Variants in GOLGA1 observed in about 807,000 individuals in gnomAD.
The protein encoded by GOLGA1 is golgin A1, also known as golgin subfamily A member 1.
A neutral mutation model predicts 119.7 loss-of-function variants in GOLGA1; 63 were observed. That is an observed-to-expected ratio of 0.53 (90% confidence interval 0.43 to 0.65). The LOEUF is 0.65. Ranked by LOEUF, GOLGA1 falls within the 30% of genes least tolerant of loss-of-function variation. The probability of loss-of-function intolerance (pLI) is 0.00; values close to 1 mark genes in which losing one functional copy is unlikely to be tolerated. For missense variants in GOLGA1, 798 were observed against 912.8 expected (o/e 0.87, Z 1.62); for synonymous variants, 318 against 333.4 (o/e 0.95, Z 0.50).
At chr9:124,902,404 G>A (rs1312572626) in intron 12 of GOLGA1, among the ~76,000 whole-genome samples, 3 of 151,848 alleles carry the variant, frequency 2.0e-5, no homozygotes, top group Admixed American at 6.6e-5. Context: ...GATTCACCGC[G>A]CCCAGCTGGG....
At chr9:124,914,224 G>A (rs1365316731) in intron 10 of GOLGA1, among the ~76,000 whole-genome samples, 4 of 152,298 alleles carry the variant, frequency 2.6e-5, no homozygotes, top group East Asian at 1.9e-4. Flanking sequence ...TAGGCTGGGC[G>A]TGGTGGCTCA....
chr9:124,931,465 G>T, intron 3 of GOLGA1, 59 bp from the exon 4 acceptor site: 1 of 814,076 alleles, frequency 1.2e-6, no homozygotes, highest in Non-Finnish European at 2.2e-6. Context: ...ACAATACTGA[G>T]CCAGAAAGTG....
At chr9:124,905,860 C>A (rs1026644464) in intron 12 of GOLGA1, among the ~76,000 whole-genome samples, 1 of 152,042 alleles carries the variant, frequency 6.6e-6, no homozygotes, top group African/African-American at 2.4e-5. Flanking sequence ...TGTGGTGGCT[C>A]GTGCCTGTAA....
rs1012667406 is a variant in GOLGA1, at chr9:124,881,519, G to A, written c.2137-262C>T. On this transcript the variant is annotated intron_variant, in intron 21 of 22. Transcript: ENST00000373555. The surrounding 1 kb of genome is among the most constrained non-coding windows in gnomAD (Gnocchi z 4.9). ...GGAGCGATGGGTGGATTCCGTTCCC[G>A]GCTTCCGGCCTCTGGCCTCAGCACC... Among the ~76,000 whole-genome samples the A allele has an allele frequency of 2.6e-4, 39 of 152,140 alleles. No homozygotes were observed. Among genetic ancestry groups the A allele is most frequent in the Admixed American group, 2.6e-4 (4 of 15,264 alleles).
Position 124,900,560 on chromosome 9 carries a change from C to T in GOLGA1, c.1066-13G>A, listed in dbSNP as rs1446678912. The T allele has an allele frequency of 3.8e-6, 5 of 1,320,032 alleles. No individual in the cohort carries two copies. The highest frequency in any genetic ancestry group is 5.4e-6 in the Non-Finnish European group (5 of 918,970). The allele number at this position is 1,320,032 out of a possible 1,614,324, so 81.8% of individuals were successfully genotyped here. On this transcript the variant is annotated splice_polypyrimidine_tract_variant and intron_variant, in intron 12 of 22. Coordinates refer to ENST00000373555, the MANE Select transcript of GOLGA1 (RefSeq NM_002077.4). ...CCAGTTCTCTCACCTGAGAGGGAAGCAGAAGCATTCTTTCTGTTCACAAGA... is the reference window on the plus strand; with the variant it reads ...CCAGTTCTCTCACCTGAGAGGGAAGTAGAAGCATTCTTTCTGTTCACAAGA...
chr9:124,917,559 T>C (rs906244504), intron 10 of GOLGA1, among the ~76,000 whole-genome samples: 1 of 152,160 alleles, frequency 6.6e-6, no homozygotes, highest in Non-Finnish European at 1.5e-5. Context: ...CCACCACACT[T>C]GTCAAAGCCT....
chr9:124,921,037 A>AT (rs1830559507), intron 10 of GOLGA1, 92 bp downstream of exon 10: 1 of 783,850 alleles, frequency 1.3e-6, no homozygotes, highest in African/African-American at 1.7e-5. Flanking sequence ...TGAGAAATGT[A>AT]TGTTCAGTAG....
rs1229055957 is a variant in GOLGA1 at position 124,899,450 on chromosome 9, A to G, written c.1190T>C (p.Val397Ala). 1.3e-6 allele frequency: 2 copies of G among 1,547,696 alleles called. No individual in the cohort carries two copies. The highest frequency in any genetic ancestry group is 2.7e-5 in the African/African-American group (2 of 73,294). ...LAAANQESSH[V>A]QQQALALEQQ... Reference sequence around the variant, plus strand: ...CTCCAGAGCAAGGGCCTGCTGCTGCACATGGCTGCTCTCCTGGTTGGCGGC... The same window carrying G: ...CTCCAGAGCAAGGGCCTGCTGCTGCGCATGGCTGCTCTCCTGGTTGGCGGC... The change falls in exon 14 of 23, where the codon GTG becomes GCG. Residue 397 changes from valine (V) to alanine (A), a missense_variant. Transcript: ENST00000373555.
At chr9:124,931,070 T>C (rs993152145) in intron 4 of GOLGA1, among the ~76,000 whole-genome samples, 3 of 152,222 alleles carry the variant, frequency 2.0e-5, no homozygotes, top group Non-Finnish European at 2.9e-5. Flanking sequence ...ATTATTATTA[T>C]CTTTTATTTC....
rs1829510958 is a variant in GOLGA1 at position 124,879,009 on chromosome 9, CT to C, written c.*1520del. On this transcript the variant is annotated 3_prime_UTR_variant, in exon 23 of 23. Coordinates refer to ENST00000373555, the MANE Select transcript of GOLGA1 (RefSeq NM_002077.4). ...GGAGGTTAGTCACTGGAGAAGCGGC[CT>C]CTGGAAGGCAGAGAGCCTGAGCTGG... is the stretch of plus-strand genomic sequence containing the variant. The C allele has an allele frequency of 3.3e-5, 5 of 152,222 alleles. No homozygotes were observed. The highest frequency in any genetic ancestry group is 9.7e-5 in the African/African-American group (4 of 41,450). The allele number at this position is 152,222 out of a possible 1,614,324, so 9.4% of individuals were successfully genotyped here.
rs748728381 is a variant in GOLGA1, at chr9:124,921,902, A to G, written c.562-10T>C. ...CTTCTTTTTTTAAAAGCTGACACAA[A>G]AATACAAAGTTTCATTGGGCTATGC... On this transcript the variant is annotated splice_polypyrimidine_tract_variant and intron_variant, in intron 8 of 22. Transcript: ENST00000373555. 1.9e-6 allele frequency: 3 copies of G among 1,609,518 alleles called. No individual in the cohort carries two copies. In the Admixed American group the frequency reaches 5.0e-5, roughly 27 times the overall value.
rs538869025 is a variant in GOLGA1, at chr9:124,896,987, G to A, written c.1407+1562C>T. 4.6e-5 allele frequency among the ~76,000 whole-genome samples: 7 copies of A among 151,656 alleles called. 1 individual carries two copies. Among genetic ancestry groups the A allele is most frequent in the East Asian group, 1.9e-4 (1 of 5,168 alleles). On this transcript the variant is annotated intron_variant, in intron 15 of 22. Coordinates refer to ENST00000373555, the MANE Select transcript of GOLGA1 (RefSeq NM_002077.4). The stretch of plus-strand genomic sequence containing the variant: ...TGATTCTTTTTAATGCCTGTGTCCC[G>A]CCTCACCACCAGCCATGCTCTCCCC...
In GOLGA1 at chr9:124,928,178, T is replaced by C. The variant is rs1482138132; in HGVS notation, c.399+10A>G. 2.2e-6 allele frequency: 3 copies of C among 1,380,088 alleles called. No individual in the cohort carries two copies. Among genetic ancestry groups the C allele is most frequent in the Admixed American group, 3.5e-5 (2 of 56,816 alleles). 85.5% of individuals were successfully genotyped at this position (1,380,088 alleles called of 1,614,324 possible). Reference sequence around the variant, plus strand: ...TCCACCAGTTCTGGGCAGTGCCACATATAAAATACCTGGTCCTTTCTGGCT... The same window carrying C: ...TCCACCAGTTCTGGGCAGTGCCACACATAAAATACCTGGTCCTTTCTGGCT... On this transcript the variant is annotated intron_variant, in intron 6 of 22. Transcript: ENST00000373555.
intron 10 of GOLGA1, among the ~76,000 whole-genome samples, chr9:124,916,877 CAAAAAAAA>C (rs71494043): frequency 2.4e-5 from 1 of 41,220 alleles, no homozygotes; most frequent in African/African-American, 1.1e-4. Flanking sequence ...CCCTGACACA[CAAAAAAAA>C]AAAAAAAAAA....
chr9:124,928,338 G>A, intron 5 of GOLGA1, 53 bp from the exon 6 acceptor site: 1 of 919,062 alleles, frequency 1.1e-6, no homozygotes, highest in Non-Finnish European at 1.8e-6. Context: ...GAAACAGCAT[G>A]ACAAATAGCC....
intron 10 of GOLGA1, among the ~76,000 whole-genome samples, chr9:124,916,100 T>TATAAATAAATAA (rs1830436933): frequency 9.0e-6 from 1 of 111,070 alleles, no homozygotes; most frequent in African/African-American, 3.3e-5. Flanking sequence ...AGACTGTATC[T>TATAAATAAATAA]CTAAATAAAT....
Position 124,926,737 on chromosome 9 carries a change from C to G in GOLGA1, c.404G>C (p.Trp135Ser). ...ALALARKDQE[W>S]SEKMDQLEKE... ...TTCAAGCTGATCCATCTTTTCTGAC[C>G]ATTCCTAAAACAAAACAATAAAAAA... Residue 135 changes from tryptophan (W) to serine (S), a missense_variant, in exon 7 of 23, where the codon TGG (tryptophan) becomes TCG (serine). Coordinates refer to ENST00000373555, the MANE Select transcript of GOLGA1 (RefSeq NM_002077.4). 6.4e-7 allele frequency: 1 copy of G among 1,564,800 alleles called. No homozygotes were observed.
chr9:124,880,996 A>G (rs1393082645), intron 22 of GOLGA1, among the ~76,000 whole-genome samples, 175 bp downstream of exon 22: 3 of 152,226 alleles, frequency 2.0e-5, no homozygotes, highest in Admixed American at 2.0e-4. Context: ...TTGGGCACAA[A>G]GGATGTCATC....
At chr9:124,896,839 G>C (rs1335647793) in intron 15 of GOLGA1, among the ~76,000 whole-genome samples, 2 of 152,086 alleles carry the variant, frequency 1.3e-5, no homozygotes, top group African/African-American at 4.8e-5. Context: ...GGCTGAGGTG[G>C]GAGGATTGCT....
Sources: allele counts gnomAD v4.1 joint callset (sites outside exome capture counted in the v4.1 genomes callset), GRCh38; gene constraint gnomAD v4.1.1; non-coding constraint Gnocchi (gnomAD v3.1); transcripts MANE v1.5; gene names NCBI Gene and HGNC (gene_info 2026-07-23, HGNC 2026-07-21).